Variants in ITGA6 observed in about 807,000 individuals in gnomAD.
ITGA6 encodes the protein integrin subunit alpha 6.
A neutral mutation model predicts 133.6 loss-of-function variants in ITGA6; 63 were observed. The observed-to-expected ratio is 0.47, with a 90% CI of 0.38 to 0.58. The LOEUF (loss-of-function observed/expected upper bound fraction) is 0.58. Ranked by LOEUF, ITGA6 falls within the 20% of genes least tolerant of loss-of-function variation. The probability of loss-of-function intolerance (pLI) is 0.00; values close to 1 mark genes in which losing one functional copy is unlikely to be tolerated. For synonymous variants in ITGA6, 434 were observed against 482.0 expected, an observed-to-expected ratio of 0.90 and a Z score of 1.30; for missense variants, 1,068 against 1,309.4, an observed-to-expected ratio of 0.82 and a Z score of 2.85.
chr2:172,465,978 T>C (rs1452375425), intron 2 of ITGA6: 2 of 441,688 alleles, frequency 4.5e-6, no homozygotes, highest in Non-Finnish European at 8.4e-6. Flanking sequence ...ATGAAGAGAA[T>C]GAATGAGCGT....
chr2:172,490,475 TCTA>T (rs1559152042), intron 20 of ITGA6, among the ~76,000 whole-genome samples: 1 of 152,258 alleles, frequency 6.6e-6, no homozygotes. Flanking sequence ...AGCATGATCT[TCTA>T]CTCATCAATG....
rs151222234 is a variant in ITGA6, at chr2:172,489,385, AC to A, written c.2506-99del. 0.019 allele frequency: 16,966 copies of A among 907,224 alleles called. 920 individuals carry two copies. The highest frequency in any genetic ancestry group is 0.17 in the African/African-American group (10,309 of 60,130). The allele number at this position is 907,224 out of a possible 1,614,324, so 56.2% of individuals were successfully genotyped here. A position where few individuals can be genotyped will look rare whatever the true frequency, so the allele number is the denominator to read the frequency against. ...GAGCCTGTGCTTTTATTATAGGATT[AC>A]GTTAGATATTTTAGCTTCTTTCTCT... On this transcript the variant is annotated intron_variant, in intron 19 of 25. Coordinates refer to ENST00000684293, the MANE Select transcript of ITGA6 (RefSeq NM_000210.4).
intron 24 of ITGA6, 60 bp downstream of exon 24, chr2:172,498,160 G>A (rs1687207126): frequency 6.6e-7 from 1 of 1,522,386 alleles, no homozygotes; most frequent in Non-Finnish European, 9.1e-7. Context: ...TTAAAAAATG[G>A]GAATCAGCAC....
At chr2:172,489,785 C>T (rs887598667) in intron 20 of ITGA6, 127 bp downstream of exon 20, 5 of 885,466 alleles carry the variant, frequency 5.6e-6, no homozygotes, top group African/African-American at 5.1e-5. Context: ...CTTTGGTTGT[C>T]ACAATTTCTC....
intron 11 of ITGA6, among the ~76,000 whole-genome samples, chr2:172,481,883 A>G (rs1026793495): frequency 6.6e-6 from 1 of 152,148 alleles, no homozygotes; most frequent in African/African-American, 2.4e-5. Context: ...CATTTGTGTT[A>G]TTTTTACCCA....
chr2:172,503,855 TA>T (rs965151909), intron 25 of ITGA6: 1 of 317,136 alleles, frequency 3.2e-6, no homozygotes. Flanking sequence ...TTATAAAATG[TA>T]AAGAGAAGAT....
At chr2:172,470,504 T>C (rs989299629) in intron 4 of ITGA6, among the ~76,000 whole-genome samples, 17 of 152,338 alleles carry the variant, frequency 1.1e-4, no homozygotes, top group African/African-American at 3.4e-4. Flanking sequence ...TGAAAACTTA[T>C]GTTTTAAATT....
At chr2:172,457,761 G>C (rs1226172004) in intron 1 of ITGA6, among the ~76,000 whole-genome samples, 1 of 152,186 alleles carries the variant, frequency 6.6e-6, no homozygotes, top group Non-Finnish European at 1.5e-5. Context: ...CAAACTGGGG[G>C]GGAAGCTAGG....
In ITGA6 at chr2:172,453,355, C is replaced by T. The variant is rs1007801708; in HGVS notation, c.183-12184C>T. Among the ~76,000 whole-genome samples, 30 of 151,960 alleles carry T rather than the reference C, an allele frequency of 2.0e-4. 1 individual carries two copies. The highest frequency in any genetic ancestry group is 7.0e-4 in the African/African-American group (29 of 41,380). Reference sequence around the variant, plus strand: ...CAGCCTGAGCAACACTGTAGAACCCCGTCTCTACTAAAAATACAAAATATT... The same window carrying T: ...CAGCCTGAGCAACACTGTAGAACCCTGTCTCTACTAAAAATACAAAATATT... On this transcript the variant is annotated intron_variant, in intron 1 of 25. Transcript: ENST00000684293.
In ITGA6 at chr2:172,484,794, C is replaced by T. The variant is rs1427498212; in HGVS notation, c.1562C>T (p.Thr521Ile). Residue 521 changes from threonine to isoleucine, a missense_variant, in exon 12 of 26, where the codon ACA becomes ATA. Coordinates refer to ENST00000684293, the MANE Select transcript of ITGA6 (RefSeq NM_000210.4). ...TAATTTTATCTAGCAATTGTGGGCA[C>T]ACTTGAAGCTGAAAAAGAAAGAAGA... The part of the protein sequence containing the change: ...GYNPSISIVG[T>I]LEAEKERRKS... The T allele has an allele frequency of 3.7e-6, 6 of 1,614,030 alleles. No individual in the cohort carries two copies. The highest frequency in any genetic ancestry group is 5.1e-6 in the Non-Finnish European group (6 of 1,179,900).
chr2:172,485,359 T>A, intron 13 of ITGA6, 95 bp downstream of exon 13: 1 of 1,080,402 alleles, frequency 9.3e-7, no homozygotes, highest in Non-Finnish European at 1.4e-6. Context: ...GTGATTTGCT[T>A]TAAAGGCCAT....
chr2:172,437,756 C>T (rs1014564335), intron 1 of ITGA6, among the ~76,000 whole-genome samples: 9 of 152,026 alleles, frequency 5.9e-5, no homozygotes, highest in Admixed American at 3.9e-4. Flanking sequence ...GCACCAAGGA[C>T]GGGGATGGAG....
At position 172,491,273 on chromosome 2, in the gene ITGA6, T is replaced by C; in HGVS notation, c.2831T>C (p.Leu944Pro). ...CVNIRCPLRG[L>P]DSKASLILRS... is the part of the protein sequence containing the mutation. ...AACATCAGATGCCCGCTGCGGGGGC[T>C]GGACAGCAAGGCGTCTCTTATTTTG... Residue 944 changes from leucine (L) to proline (P), a missense_variant, in exon 22 of 26, where the codon CTG becomes CCG. Leu to Pro is a moderately conservative substitution (Grantham distance 98). Coordinates refer to ENST00000684293, the MANE Select transcript of ITGA6 (RefSeq NM_000210.4). The surrounding 1 kb of genome is among the most constrained non-coding windows in gnomAD (Gnocchi z 4.4). 6.2e-7 allele frequency: 1 copy of C among 1,613,274 alleles called. No individual in the cohort carries two copies. Among genetic ancestry groups the C allele is most frequent in the East Asian group, 2.2e-5 (1 of 44,868 alleles).
intron 1 of ITGA6, chr2:172,428,562 A>AAGG (rs1683972347): frequency 6.9e-6 from 1 of 143,956 alleles, no homozygotes; most frequent in African/African-American, 2.6e-5. Context: ...AAAAAAAAAA[A>AAGG]GATGGGGGTG....
At chr2:172,501,284 T>C (rs1246615964) in intron 24 of ITGA6, among the ~76,000 whole-genome samples, 1 of 152,212 alleles carries the variant, frequency 6.6e-6, no homozygotes, top group Non-Finnish European at 1.5e-5. Context: ...AAATGGCATT[T>C]GTTCCATAAA....
rs6716781 is a variant in ITGA6 at position 172,428,157 on chromosome 2, C to T, written c.182+187C>T. 0.3 allele frequency: 101,211 copies of T among 332,990 alleles called. 19,783 individuals are homozygous for T. The highest frequency in any genetic ancestry group is 0.84 in the East Asian group (13,227 of 15,772). 20.6% of individuals were successfully genotyped at this position (332,990 alleles called of 1,614,324 possible). ...CCCTGACCCGCCCCGCGCGGCGCCT[C>T]CCTCCATTCAGCTCGGGAAGGAGGA... On this transcript the variant is annotated intron_variant, in intron 1 of 25. Coordinates refer to ENST00000684293, the MANE Select transcript of ITGA6 (RefSeq NM_000210.4).
chr2:172,448,859 G>C (rs1398197433), intron 1 of ITGA6, among the ~76,000 whole-genome samples: 1 of 152,190 alleles, frequency 6.6e-6, no homozygotes, highest in Non-Finnish European at 1.5e-5. Context: ...AGCAGGATCT[G>C]CTTCCTGCCC....
intron 4 of ITGA6, among the ~76,000 whole-genome samples, chr2:172,470,343 A>C (rs1397799583): frequency 6.6e-6 from 1 of 152,166 alleles, no homozygotes. Context: ...GTTTTATTTT[A>C]GCATGAATAA....
At chr2:172,488,310 A>G (rs1686779069) in intron 19 of ITGA6, 82 bp downstream of exon 19, 3 of 903,072 alleles carry the variant, frequency 3.3e-6, no homozygotes, top group East Asian at 2.5e-5. Context: ...ATTTTAATAA[A>G]TCAGCAATAT....
Sources: gnomAD v4.1 joint callset for allele counts (sites outside exome capture counted in the v4.1 genomes callset) on GRCh38, gnomAD v4.1.1 for gene constraint, Gnocchi (gnomAD v3.1) non-coding constraint, MANE v1.5 for transcripts, NCBI Gene and HGNC (gene_info 2026-07-23, HGNC 2026-07-21) for gene names.